Variants in GOLM2 observed in about 807,000 individuals in gnomAD.
GOLM2 encodes the protein golgi membrane protein 2, also known as protein GOLM2.
Under a neutral mutation model 55.9 loss-of-function variants are expected in GOLM2, and 26 were observed. That is an observed-to-expected ratio of 0.47 (90% CI 0.34 to 0.65). The LOEUF is 0.65. Among genes scored for constraint, GOLM2 ranks in the 30% least tolerant of loss-of-function variants. The pLI, the probability that GOLM2 is intolerant of heterozygous loss-of-function variation, is 0.01. For missense variants in GOLM2, 486 were observed against 531.8 expected, an observed-to-expected ratio of 0.91 and a Z score of 0.85; for synonymous variants, 165 against 194.6, an observed-to-expected ratio of 0.85 and a Z score of 1.27.
chr15:44,338,197 A>T, intron 5 of GOLM2, 40 bp from the exon 6 acceptor site: 2 of 1,572,108 alleles, frequency 1.3e-6, no homozygotes, highest in East Asian at 4.5e-5. Flanking sequence ...AAATTATGTA[A>T]GAAAAACGAT....
intron 1 of GOLM2, among the ~76,000 whole-genome samples, chr15:44,320,092 C>T (rs901795866): frequency 7.9e-5 from 12 of 152,160 alleles, no homozygotes; most frequent in African/African-American, 2.4e-4. Context: ...CTTCCTGCCC[C>T]CAGCCCCTGG....
At chr15:44,381,033 T>C in intron 8 of GOLM2, 57 bp downstream of exon 8, 1 of 1,110,558 alleles carries the variant, frequency 9.0e-7, no homozygotes. Context: ...GTAATATGAA[T>C]TAAGGTCTTC....
intron 6 of GOLM2, among the ~76,000 whole-genome samples, chr15:44,369,479 G>T (rs116077478): frequency 6.6e-6 from 1 of 151,362 alleles, no homozygotes; most frequent in South Asian, 2.1e-4. Flanking sequence ...TGTAAGCTTC[G>T]TAGGACAATA....
At chr15:44,381,035 A>C in intron 8 of GOLM2, 59 bp downstream of exon 8, 1 of 1,090,280 alleles carries the variant, frequency 9.2e-7, no homozygotes, top group Non-Finnish European at 1.3e-6. Flanking sequence ...AATATGAATT[A>C]AGGTCTTCAT....
In GOLM2 at chr15:44,380,842, C is replaced by T; in HGVS notation, c.938C>T (p.Ser313Leu). The change falls in exon 8 of 10, where the codon TCA becomes TTA. Residue 313 changes from serine (S) to leucine (L), a missense_variant. Coordinates refer to ENST00000299957, the MANE Select transcript of GOLM2 (RefSeq NM_138423.4). The part of the protein sequence containing the change: ...HINHNGNPGT[S>L]KQNPSSPLQR... ...AACCACAATGGAAACCCCGGTACTT[C>T]AAAACAGAATCCTTCCAGTCCTCTT... 2 of 1,582,110 alleles carry T rather than the reference C, an allele frequency of 1.3e-6. No individual in the cohort carries two copies. Among genetic ancestry groups the T allele is most frequent in the Non-Finnish European group, 1.7e-6 (2 of 1,164,062 alleles).
chr15:44,291,936 C>T (rs2078723518), intron 1 of GOLM2, among the ~76,000 whole-genome samples: 1 of 152,084 alleles, frequency 6.6e-6, no homozygotes, highest in African/African-American at 2.4e-5. Flanking sequence ...TCTGAGAAAT[C>T]CATTAATAAA....
intron 1 of GOLM2, among the ~76,000 whole-genome samples, chr15:44,299,614 A>G (rs968594273): frequency 1.3e-5 from 2 of 152,156 alleles, no homozygotes; most frequent in Admixed American, 1.3e-4. Context: ...TTCACTGGAA[A>G]GAACAAGGGT....
chr15:44,375,058 C>T (rs2079354824), intron 6 of GOLM2, among the ~76,000 whole-genome samples: 1 of 152,068 alleles, frequency 6.6e-6, no homozygotes. Flanking sequence ...CCCTCCATTG[C>T]CCAGGCTAGA....
chr15:44,303,732 A>ATT (rs541563417), intron 1 of GOLM2, among the ~76,000 whole-genome samples: 3,151 of 130,730 alleles, frequency 0.024, 63 homozygotes, highest in East Asian at 0.078. Context: ...CACCTGGCTA[A>ATT]TTTTTTTTTT....
At chr15:44,293,110 T>C (rs548955648) in intron 1 of GOLM2, among the ~76,000 whole-genome samples, 1 of 152,228 alleles carries the variant, frequency 6.6e-6, no homozygotes, top group South Asian at 2.1e-4. Context: ...ACTTGGCCAC[T>C]TAACAGTTTT....
intron 8 of GOLM2, among the ~76,000 whole-genome samples, chr15:44,396,660 T>C (rs576080258): frequency 1.3e-3 from 200 of 152,294 alleles, no homozygotes; most frequent in African/African-American, 4.5e-3. Context: ...TTAGCGTGAA[T>C]TGAAAAGCGC....
chr15:44,401,853 G>T, intron 8 of GOLM2, among the ~76,000 whole-genome samples: 1 of 145,638 alleles, frequency 6.9e-6, no homozygotes. Flanking sequence ...TTTTGAGATG[G>T]AGTCTCACTT....
At chr15:44,294,076 TC>T (rs1283134329) in intron 1 of GOLM2, among the ~76,000 whole-genome samples, 1 of 152,220 alleles carries the variant, frequency 6.6e-6, no homozygotes, top group Non-Finnish European at 1.5e-5. Flanking sequence ...CTTCATTAAC[TC>T]CTGTATCCCC....
chr15:44,402,941 TGGC>T lies in GOLM2; in HGVS notation c.1130_1132del (p.Ala377del). ...GTTGATCCGCAGCATGGCTCTAAAC[TGGC>T]GGATTATAATGGGGATGATGGTAAC... On this transcript the variant is annotated inframe_deletion, in exon 9 of 10. Coordinates refer to ENST00000299957, the MANE Select transcript of GOLM2 (RefSeq NM_138423.4). 3 of 1,614,056 alleles carry T rather than the reference TGGC, an allele frequency of 1.9e-6. No individual in the cohort carries two copies. Among genetic ancestry groups the T allele is most frequent in the Non-Finnish European group, 2.5e-6 (3 of 1,180,006 alleles).
In GOLM2 at chr15:44,395,013, CT is replaced by C. The variant is rs869125078; in HGVS notation, c.1073-7860del. On this transcript the variant is annotated intron_variant, in intron 8 of 9. Transcript: ENST00000299957. ...TACATTAATGACATAAAAATATAAA[CT>C]TTTTTTTTTTTTTGAGACGGAGTCT... Among the ~76,000 whole-genome samples the C allele has an allele frequency of 1.4e-3, 206 of 144,992 alleles. 1 individual carries two copies. Among genetic ancestry groups the C allele is most frequent in the South Asian group, 2.0e-3 (9 of 4,606 alleles).
chr15:44,323,857 T>C (rs1001790803), intron 2 of GOLM2, among the ~76,000 whole-genome samples: 7 of 152,212 alleles, frequency 4.6e-5, no homozygotes, highest in African/African-American at 1.4e-4. Flanking sequence ...GGCTTTGTAA[T>C]GTAGTAAAAT....
At chr15:44,395,111 G>A (rs543865077) in intron 8 of GOLM2, among the ~76,000 whole-genome samples, 2 of 150,820 alleles carry the variant, frequency 1.3e-5, no homozygotes, top group Non-Finnish European at 2.9e-5. Flanking sequence ...CCAGGTTCAC[G>A]CCATTCTTCT....
rs71421830 is a variant in GOLM2 at position 44,295,917 on chromosome 15, T to TACACACACACACACACAC, written c.327+6575_327+6592dup. On this transcript the variant is annotated intron_variant, in intron 1 of 9. Coordinates refer to ENST00000299957, the MANE Select transcript of GOLM2 (RefSeq NM_138423.4). ...TAGAACAAGGGAGATCCACCACACA[T>TACACACACACACACACAC]ACACACACACACACACACACACACA... is the stretch of plus-strand genomic sequence containing the variant. Among the ~76,000 whole-genome samples the TACACACACACACACACAC allele has an allele frequency of 1.8e-3, 259 of 143,148 alleles. 2 individuals are homozygous for TACACACACACACACACAC. Among genetic ancestry groups the TACACACACACACACACAC allele is most frequent in the African/African-American group, 5.9e-3 (229 of 38,852 alleles). The allele number at this position is 143,148 out of a possible 152,430, so 93.9% of individuals were successfully genotyped here. A position where few individuals can be genotyped will look rare whatever the true frequency, so the allele number is the denominator to read the frequency against.
At chr15:44,295,798 C>T (rs947227646) in intron 1 of GOLM2, among the ~76,000 whole-genome samples, 7 of 152,038 alleles carry the variant, frequency 4.6e-5, no homozygotes, top group Non-Finnish European at 1.0e-4. Flanking sequence ...GTAACTTAAG[C>T]ACTTTAAAGA....
Sources: allele counts gnomAD v4.1 joint callset (sites outside exome capture counted in the v4.1 genomes callset), GRCh38; gene constraint gnomAD v4.1.1; transcripts MANE v1.5; gene names NCBI Gene and HGNC (gene_info 2026-07-23, HGNC 2026-07-21).